Variants in CFB observed in about 807,000 individuals in gnomAD.
CFB encodes B-factor, properdin.
CFB carries 59 observed loss-of-function variants against 97.2 expected under a neutral mutation model. The observed-to-expected ratio is 0.61, with a 90% CI of 0.49 to 0.75. The LOEUF (loss-of-function observed/expected upper bound fraction) is 0.75, where lower values mean the gene tolerates loss of function less well. Among genes scored for constraint, CFB ranks in the 30% least tolerant of loss-of-function variants. The probability of loss-of-function intolerance (pLI) is 0.00; values close to 1 mark genes in which losing one functional copy is unlikely to be tolerated. For synonymous variants in CFB, 316 were observed against 351.7 expected (o/e 0.90, Z 1.14); for missense variants, 771 against 959.8 (o/e 0.80, Z 2.60).
rs748335294 is a variant in CFB at position 31,951,879 on chromosome 6, G to A, written c.2144G>A (p.Gly715Asp). The A allele has an allele frequency of 6.2e-7, 1 of 1,613,244 alleles. No homozygotes were observed. Among genetic ancestry groups the A allele is most frequent in the Non-Finnish European group, 8.5e-7 (1 of 1,180,050 alleles). ...VHKRSRFIQVGVISWGVVDVC... is the reference protein window; with the variant it reads ...VHKRSRFIQVDVISWGVVDVC... ...GGCACCCCACTGCCTCTGCAGGTTG[G>A]TGTAATCAGCTGGGGAGTAGTGGAT... The change falls in exon 18 of 18, where the codon GGT (glycine) becomes GAT (aspartate). Residue 715 changes from glycine to aspartate, a missense_variant. Transcript: ENST00000425368. This position sits in a 1 kb window ranked among gnomAD's most constrained non-coding sequence, Gnocchi z 4.3.
At position 31,950,663 on chromosome 6, in the gene CFB, C is replaced by T; in HGVS notation, c.1669C>T (p.Pro557Ser). Reference sequence around the variant, plus strand: ...GGAGATAGAAGTAGTCCTATTTCACCCCAACTACAACATTAATGGGAAAAA... The same window carrying T: ...GGAGATAGAAGTAGTCCTATTTCACTCCAACTACAACATTAATGGGAAAAA... The part of the protein sequence containing the change: ...DLEIEVVLFH[P>S]NYNINGKKEA... Residue 557 changes from proline (P) to serine (S), a missense_variant, in exon 13 of 18, where the codon CCC becomes TCC. Pro to Ser is a moderately conservative substitution (Grantham distance 74). Transcript: ENST00000425368. 1 of 1,612,978 alleles carries T rather than the reference C, an allele frequency of 6.2e-7. No homozygotes were observed.
Position 31,947,737 on chromosome 6 carries a change from C to T in CFB, c.659-5C>T. ...GACATTTGACCTCATTTCTGACTCT[C>T]CCAGACTCCTTCATGTACGACACCC... On this transcript the variant is annotated splice_region_variant and splice_polypyrimidine_tract_variant and intron_variant, in intron 4 of 17. Coordinates refer to ENST00000425368, the MANE Select transcript of CFB (RefSeq NM_001710.6). This position sits in a 1 kb window ranked among gnomAD's most constrained non-coding sequence, Gnocchi z 5.3. 6.2e-7 allele frequency: 1 copy of T among 1,612,910 alleles called. No homozygotes were observed. Among genetic ancestry groups the T allele is most frequent in the Non-Finnish European group, 8.5e-7 (1 of 1,179,900 alleles).
chr6:31,949,624 C>T (rs1055748701), intron 10 of CFB, 67 bp downstream of exon 10: 1 of 1,586,160 alleles, frequency 6.3e-7, no homozygotes, highest in Non-Finnish European at 8.6e-7. Flanking sequence ...TTCATTCTTC[C>T]TCTACACCTG....
Position 31,949,342 on chromosome 6 carries a change from T to G in CFB, c.1268T>G (p.Leu423Arg). 1 of 1,614,224 alleles carries G rather than the reference T, an allele frequency of 6.2e-7. No homozygotes were observed. Among genetic ancestry groups the G allele is most frequent in the Non-Finnish European group, 8.5e-7 (1 of 1,180,034 alleles). The change falls in exon 9 of 18, where the codon CTG (leucine) becomes CGG (arginine). Residue 423 changes from leucine (L) to arginine (R), a missense_variant and splice_region_variant. Physicochemically the swap from Leu to Arg is moderately radical, Grantham distance 102 (BLOSUM62 -2). Transcript: ENST00000425368. Reference sequence around the variant, plus strand: ...CGCAAAAACCCAAGGGAGGATTATCTGGGTGAGTAACCTGCCTAGGACCCA... The same window carrying G: ...CGCAAAAACCCAAGGGAGGATTATCGGGGTGAGTAACCTGCCTAGGACCCA... ...KDRKNPREDY[L>R]DVYVFGVGPL...
chr6:31,951,773 A>G lies in CFB; in HGVS notation c.2140-102A>G, dbSNP rs1184383661. On this transcript the variant is annotated intron_variant, in intron 17 of 17. Coordinates refer to ENST00000425368, the MANE Select transcript of CFB (RefSeq NM_001710.6). This position sits in a 1 kb window ranked among gnomAD's most constrained non-coding sequence, Gnocchi z 4.3. ...AAGAACGAGGCTGAGCTGGGTCCCTAGTCTGATTCCTTTAGGTCAGCTAAG... is the reference window on the plus strand; with the variant it reads ...AAGAACGAGGCTGAGCTGGGTCCCTGGTCTGATTCCTTTAGGTCAGCTAAG... 1 of 1,592,424 alleles carries G rather than the reference A, an allele frequency of 6.3e-7. No homozygotes were observed. Among genetic ancestry groups the G allele is most frequent in the African/African-American group, 1.3e-5 (1 of 74,502 alleles).
In CFB at chr6:31,951,659, A is replaced by G. The variant is rs1005845088; in HGVS notation, c.2139+55A>G. On this transcript the variant is annotated intron_variant, in intron 17 of 17. Coordinates refer to ENST00000425368, the MANE Select transcript of CFB (RefSeq NM_001710.6). The surrounding 1 kb of genome is among the most constrained non-coding windows in gnomAD (Gnocchi z 4.3). The stretch of plus-strand genomic sequence containing the variant: ...TGCCAAGTGGTCAGCATGGGCCCCA[A>G]AGCAGGAAAGCTCAATGCATGTGGC... The G allele has an allele frequency of 1.2e-6, 2 of 1,609,346 alleles. No homozygotes were observed. Among genetic ancestry groups the G allele is most frequent in the African/African-American group, 1.3e-5 (1 of 74,922 alleles).
Position 31,947,274 on chromosome 6 carries a change from G to GTT in CFB, c.485-73_485-72insTT. On this transcript the variant is annotated intron_variant, in intron 3 of 17. Transcript: ENST00000425368. This position sits in a 1 kb window ranked among gnomAD's most constrained non-coding sequence, Gnocchi z 5.3. ...GAGTGGGCACTCGGCTCCGGACACTGTAACTCTTGCTCTCTACCTTGCTCA... is the reference window on the plus strand; with the variant it reads ...GAGTGGGCACTCGGCTCCGGACACTGTTTAACTCTTGCTCTCTACCTTGCTCA... 1 of 1,611,330 alleles carries GTT rather than the reference G, an allele frequency of 6.2e-7. No individual in the cohort carries two copies. Among genetic ancestry groups the GTT allele is most frequent in the Non-Finnish European group, 8.5e-7 (1 of 1,179,570 alleles).
Position 31,948,507 on chromosome 6 carries a change from A to G in CFB, c.1031A>G (p.Tyr344Cys), listed in dbSNP as rs1226798224. ...WVTKQLNEIN[Y>C]EDHKLKSGTN... Reference sequence around the variant, plus strand: ...ACGAAGCAGCTCAATGAAATCAATTATGAAGGTCAGAGGTTAGGGAATGGT... The same window carrying G: ...ACGAAGCAGCTCAATGAAATCAATTGTGAAGGTCAGAGGTTAGGGAATGGT... Residue 344 changes from tyrosine to cysteine, a missense_variant, in exon 7 of 18, where the codon TAT becomes TGT. Tyr to Cys is a radical substitution (Grantham distance 194). Coordinates refer to ENST00000425368, the MANE Select transcript of CFB (RefSeq NM_001710.6). 1 of 1,614,180 alleles carries G rather than the reference A, an allele frequency of 6.2e-7. No individual in the cohort carries two copies. Among genetic ancestry groups the G allele is most frequent in the Admixed American group, 1.7e-5 (1 of 60,030 alleles).
chr6:31,946,325 T>C lies in CFB; in HGVS notation c.64+40T>C. 1 of 1,612,942 alleles carries C rather than the reference T, an allele frequency of 6.2e-7. No individual in the cohort carries two copies. Among genetic ancestry groups the C allele is most frequent in the South Asian group, 1.1e-5 (1 of 91,078 alleles). ...CCTTCCCTTCCTGCTGTCTCCAGCA[T>C]CCCTCCTTGGCCTTTTGGGGCCAGG... On this transcript the variant is annotated intron_variant, in intron 1 of 17. Coordinates refer to ENST00000425368, the MANE Select transcript of CFB (RefSeq NM_001710.6). The surrounding 1 kb of genome is among the most constrained non-coding windows in gnomAD (Gnocchi z 6.4).
In CFB at chr6:31,947,593, C is replaced by T; in HGVS notation, c.658+72C>T. ...TACTGTCTTCTCTCCCCACCTCAAC[C>T]CTGCTCTTTCCTCACTTTGTTTAAA... On this transcript the variant is annotated intron_variant, in intron 4 of 17. Coordinates refer to ENST00000425368, the MANE Select transcript of CFB (RefSeq NM_001710.6). The surrounding 1 kb of genome is among the most constrained non-coding windows in gnomAD (Gnocchi z 5.3). 6.3e-7 allele frequency: 1 copy of T among 1,598,886 alleles called. No individual in the cohort carries two copies. Among genetic ancestry groups the T allele is most frequent in the African/African-American group, 1.3e-5 (1 of 74,808 alleles).
intron 10 of CFB, 53 bp downstream of exon 10, chr6:31,949,610 G>A: frequency 1.9e-6 from 3 of 1,606,306 alleles, no homozygotes; most frequent in Non-Finnish European, 2.5e-6. Context: ...TTCCCCTGAA[G>A]TAATTCATTC....
At position 31,948,960 on chromosome 6, in the gene CFB, T is replaced by G. The variant is rs1771597862; in HGVS notation, c.1167T>G (p.Asp389Glu). ...RTRHVIILMT[D>E]GLHNMGGDPI... ...GCCATGTCATCATCCTCATGACTGA[T>G]GGTCAGAAGGGACCTCTCTCCTGTC... The change falls in exon 8 of 18, where the codon GAT becomes GAG. Residue 389 changes from aspartate (D) to glutamate (E), a missense_variant and splice_region_variant. Asp to Glu is a conservative substitution (Grantham distance 45). Transcript: ENST00000425368. 1 of 1,613,008 alleles carries G rather than the reference T, an allele frequency of 6.2e-7. No homozygotes were observed. The highest frequency in any genetic ancestry group is 2.2e-5 in the East Asian group (1 of 44,886).
chr6:31,951,438 G>A lies in CFB; in HGVS notation c.2054G>A (p.Gly685Glu). ...ACCCCTCGGTTCCTTTGTACTGGAG[G>A]AGTGAGTCCCTATGCTGACCCCAAT... ...VVTPRFLCTG[G>E]VSPYADPNTC... is the part of the protein sequence containing the mutation. Residue 685 changes from glycine (G) to glutamate (E), a missense_variant, in exon 16 of 18, where the codon GGA (glycine) becomes GAA (glutamate). Physicochemically the swap from Gly to Glu is moderately conservative, Grantham distance 98. Transcript: ENST00000425368. This position sits in a 1 kb window ranked among gnomAD's most constrained non-coding sequence, Gnocchi z 4.3. 3 of 1,614,202 alleles carry A rather than the reference G, an allele frequency of 1.9e-6. No homozygotes were observed. The highest frequency in any genetic ancestry group is 2.5e-6 in the Non-Finnish European group (3 of 1,180,024).
Position 31,952,045 on chromosome 6 carries a change from G to C in CFB, c.*15G>C. ...GTTTTCTATAAGGGGTTTCCTGCTG[G>C]ACAGGGGCGTGGGATTGAATTAAAA... On this transcript the variant is annotated 3_prime_UTR_variant, in exon 18 of 18. Coordinates refer to ENST00000425368, the MANE Select transcript of CFB (RefSeq NM_001710.6). The C allele has an allele frequency of 6.2e-7, 1 of 1,612,264 alleles. No individual in the cohort carries two copies. The highest frequency in any genetic ancestry group is 8.5e-7 in the Non-Finnish European group (1 of 1,180,034).
Position 31,949,493 on chromosome 6 carries a change from T to C in CFB, c.1344T>C (p.Asn448=), listed in dbSNP as rs902351393. 23 of 1,613,814 alleles carry C rather than the reference T, an allele frequency of 1.4e-5. No homozygotes were observed. Among genetic ancestry groups the C allele is most frequent in the Non-Finnish European group, 1.9e-5 (22 of 1,180,036 alleles). Reference sequence around the variant, plus strand: ...ATGCTTTGGCTTCCAAGAAAGACAATGAGCAACATGTGTTCAAAGTCAAGG... The same window carrying C: ...ATGCTTTGGCTTCCAAGAAAGACAACGAGCAACATGTGTTCAAAGTCAAGG... ...NINALASKKD[N]EQHVFKVKDM... is the part of the protein sequence containing the mutation. Residue 448 remains asparagine (N), a synonymous_variant, in exon 10 of 18, where the codon AAT becomes AAC. Transcript: ENST00000425368.
intron 9 of CFB, 21 bp downstream of exon 9, chr6:31,949,365 C>A (rs779931165): frequency 1.2e-6 from 2 of 1,614,162 alleles, no homozygotes; most frequent in South Asian, 1.1e-5. Context: ...TGCCTAGGAC[C>A]CAGCACCCCA....
chr6:31,947,166 G>A lies in CFB; in HGVS notation c.458G>A (p.Gly153Glu). The change falls in exon 3 of 18, where the codon GGG becomes GAG. Residue 153 changes from glycine (G) to glutamate (E), a missense_variant. Physicochemically the swap from Gly to Glu is moderately conservative, Grantham distance 98. Transcript: ENST00000425368. This position sits in a 1 kb window ranked among gnomAD's most constrained non-coding sequence, Gnocchi z 5.3. Reference protein sequence around the residue: ...RTCQVNGRWSGQTAICDNGAG... With the variant: ...RTCQVNGRWSEQTAICDNGAG... ...TGCCAAGTGAATGGCCGATGGAGTGGGCAGACAGCGATCTGTGACAACGGA... is the reference window on the plus strand; with the variant it reads ...TGCCAAGTGAATGGCCGATGGAGTGAGCAGACAGCGATCTGTGACAACGGA... 6.2e-7 allele frequency: 1 copy of A among 1,612,434 alleles called. No individual in the cohort carries two copies. The highest frequency in any genetic ancestry group is 1.1e-5 in the South Asian group (1 of 90,972).
rs752123038 is a variant in CFB, at chr6:31,947,188, C to G, written c.480C>G (p.Asn160Lys). 2.5e-6 allele frequency: 4 copies of G among 1,612,340 alleles called. No homozygotes were observed. In the South Asian group the frequency reaches 3.3e-5, roughly 13 times the overall value. Residue 160 changes from asparagine to lysine, a missense_variant, in exon 3 of 18, where the codon AAC (asparagine) becomes AAG (lysine). Coordinates refer to ENST00000425368, the MANE Select transcript of CFB (RefSeq NM_001710.6). This position sits in a 1 kb window ranked among gnomAD's most constrained non-coding sequence, Gnocchi z 5.3. Reference protein sequence around the residue: ...RWSGQTAICDNGAGYCSNPGI... With the variant: ...RWSGQTAICDKGAGYCSNPGI... ...GTGGGCAGACAGCGATCTGTGACAACGGAGGTGAGAAGCATCCCCTCCCCC... is the reference window on the plus strand; with the variant it reads ...GTGGGCAGACAGCGATCTGTGACAAGGGAGGTGAGAAGCATCCCCTCCCCC...
At chr6:31,949,902 G>C (rs564601481) in intron 10 of CFB, 148 bp from the exon 11 acceptor site, 5 of 823,348 alleles carry the variant, frequency 6.1e-6, no homozygotes, top group Admixed American at 4.0e-5. Context: ...CACCATAGCA[G>C]TTTTCTCCTA....
Sources: allele counts gnomAD v4.1 joint callset, GRCh38; gene constraint gnomAD v4.1.1; non-coding constraint Gnocchi (gnomAD v3.1); transcripts MANE v1.5; gene names NCBI Gene and HGNC (gene_info 2026-07-23, HGNC 2026-07-21).